Variants in ARID4B observed in about 807,000 individuals in gnomAD.
ARID4B encodes the protein AT-rich interaction domain 4B.
ARID4B carries 26 observed loss-of-function variants against 147.5 expected under a neutral mutation model. The ratio of observed to expected loss-of-function variants is 0.18; its 90% CI spans 0.13 to 0.24. ARID4B has a LOEUF of 0.24. ARID4B is among the 10% of genes least tolerant of loss of function. The pLI is 1.00. For synonymous variants in ARID4B, 512 were observed against 507.9 expected (o/e 1.01, Z -0.11); for missense variants, 1,179 against 1,511.5 (o/e 0.78, Z 3.65).
chr1:235,201,139 T>A (rs569355174), intron 17 of ARID4B, among the ~76,000 whole-genome samples: 2 of 152,050 alleles, frequency 1.3e-5, no homozygotes, highest in East Asian at 3.9e-4. Flanking sequence ...AGCGAGACTC[T>A]GTCTCCAAAA....
intron 2 of ARID4B, among the ~76,000 whole-genome samples, chr1:235,318,528 C>T (rs553171773): frequency 6.6e-6 from 1 of 152,168 alleles, no homozygotes; most frequent in South Asian, 2.1e-4. Context: ...ACAAAAAGGC[C>T]ACATATGTAT....
At chr1:235,224,822 T>C in intron 11 of ARID4B, 47 bp from the exon 12 acceptor site, 2 of 1,315,698 alleles carry the variant, frequency 1.5e-6, no homozygotes, top group Non-Finnish European at 2.1e-6. Flanking sequence ...TTAAGCATTT[T>C]AATAAAACAA....
chr1:235,201,245 T>C (rs1235822767), intron 17 of ARID4B, among the ~76,000 whole-genome samples: 3 of 152,176 alleles, frequency 2.0e-5, no homozygotes, highest in African/African-American at 7.2e-5. Context: ...CCATAAAATA[T>C]TTCTCAATTT....
At chr1:235,230,411 A>AAAAACAAAAC (rs67278012) in intron 10 of ARID4B, among the ~76,000 whole-genome samples, 7 of 146,330 alleles carry the variant, frequency 4.8e-5, no homozygotes, top group African/African-American at 1.8e-4. Context: ...TCCATCTCAA[A>AAAAACAAAAC]AAAACAAAAC....
chr1:235,192,746 C>A (rs1571937891), intron 19 of ARID4B, among the ~76,000 whole-genome samples: 1 of 152,328 alleles, frequency 6.6e-6, no homozygotes, highest in South Asian at 2.1e-4. Context: ...CTGCTCCAAT[C>A]CTCATTGCTT....
chr1:235,178,553 A>C (rs1429221223), intron 20 of ARID4B, among the ~76,000 whole-genome samples: 1 of 152,134 alleles, frequency 6.6e-6, no homozygotes, highest in Non-Finnish European at 1.5e-5. Flanking sequence ...CCTTTTCTTC[A>C]AGGACTAGCC....
chr1:235,177,311 G>A (rs1208218873), intron 21 of ARID4B, among the ~76,000 whole-genome samples: 1 of 152,150 alleles, frequency 6.6e-6, no homozygotes, highest in Non-Finnish European at 1.5e-5. Flanking sequence ...ATATGTTGAT[G>A]TTTATAATAT....
chr1:235,193,784 G>A (rs1197509537), intron 19 of ARID4B, among the ~76,000 whole-genome samples: 3 of 152,054 alleles, frequency 2.0e-5, no homozygotes, highest in Admixed American at 6.6e-5. Flanking sequence ...TAGAATTTTC[G>A]GATTTGGCTT....
At chr1:235,260,616 A>G (rs1670234133) in intron 3 of ARID4B, 26 bp downstream of exon 3, 10 of 1,503,478 alleles carry the variant, frequency 6.7e-6, no homozygotes, top group Non-Finnish European at 8.1e-6. Context: ...TGAACATACA[A>G]TTTATGAAAT....
intron 8 of ARID4B, among the ~76,000 whole-genome samples, chr1:235,236,833 A>AAAAAATATATATAT (rs1175189621): frequency 9.0e-5 from 3 of 33,518 alleles, no homozygotes; most frequent in East Asian, 1.5e-3. Context: ...TTTTATAAAA[A>AAAAAATATATATAT]ATATATATAT....
At chr1:235,214,271 CAA>C (rs1270052888) in intron 16 of ARID4B, among the ~76,000 whole-genome samples, 9 of 152,000 alleles carry the variant, frequency 5.9e-5, no homozygotes, top group African/African-American at 2.2e-4. Flanking sequence ...AGAAAATTTC[CAA>C]AAGTCAGAAG....
rs77833119 is a variant in ARID4B at position 235,265,882 on chromosome 1, C to T, written c.7-5130G>A. Among the ~76,000 whole-genome samples the T allele has an allele frequency of 4.4e-3, 668 of 151,972 alleles. 5 individuals are homozygous for T. Among genetic ancestry groups the T allele is most frequent in the African/African-American group, 0.015 (640 of 41,430 alleles). On this transcript the variant is annotated intron_variant, in intron 2 of 23. Coordinates refer to ENST00000264183, the MANE Select transcript of ARID4B (RefSeq NM_016374.6). ...CACACAAAATGCTTAGAAGAGGGCCCAGCACACATTGCCAAATAAAGGCTA... is the reference window on the plus strand; with the variant it reads ...CACACAAAATGCTTAGAAGAGGGCCTAGCACACATTGCCAAATAAAGGCTA...
At chr1:235,194,843 C>T (rs1273004112) in intron 18 of ARID4B, among the ~76,000 whole-genome samples, 1 of 151,898 alleles carries the variant, frequency 6.6e-6, no homozygotes, top group Non-Finnish European at 1.5e-5. Context: ...AAAAAAGAAA[C>T]GATTGCAACG....
intron 2 of ARID4B, among the ~76,000 whole-genome samples, chr1:235,279,999 TC>T (rs1257796268): frequency 6.6e-6 from 1 of 152,212 alleles, no homozygotes; most frequent in African/African-American, 2.4e-5. Flanking sequence ...ATGCTTCCTA[TC>T]CTCTTGTAAT....
chr1:235,173,765 AAAAAAAATATATATATAT>A (rs1424529594), intron 22 of ARID4B, among the ~76,000 whole-genome samples: 99 of 49,990 alleles, frequency 2.0e-3, no homozygotes, highest in African/African-American at 0.011. Flanking sequence ...AAAAAAAAAA[AAAAAAAATATATATATAT>A]ATATATATAT....
intron 3 of ARID4B, among the ~76,000 whole-genome samples, chr1:235,259,433 A>G (rs1178318469): frequency 6.6e-6 from 1 of 152,270 alleles, no homozygotes; most frequent in Non-Finnish European, 1.5e-5. Flanking sequence ...GCTTTCCACC[A>G]GGAGAGAGGG....
intron 2 of ARID4B, among the ~76,000 whole-genome samples, chr1:235,309,735 G>A (rs1267855081): frequency 3.9e-5 from 6 of 152,140 alleles, no homozygotes; most frequent in Non-Finnish European, 8.8e-5. Context: ...ATAGAAAGGG[G>A]GGAAAGGTGG....
intron 6 of ARID4B, among the ~76,000 whole-genome samples, chr1:235,250,887 T>G (rs1669599367): frequency 1.3e-5 from 2 of 152,120 alleles, no homozygotes; most frequent in Non-Finnish European, 2.9e-5. Flanking sequence ...TTAAAAAAAA[T>G]AATATTTTGG....
At chr1:235,190,340 C>T (rs992584724) in intron 19 of ARID4B, among the ~76,000 whole-genome samples, 13 of 151,848 alleles carry the variant, frequency 8.6e-5, no homozygotes, top group Admixed American at 7.9e-4. Context: ...CCCACCTACT[C>T]GGGAGGCTGA....
Sources: gnomAD v4.1 joint callset for allele counts (sites outside exome capture counted in the v4.1 genomes callset) on GRCh38, gnomAD v4.1.1 for gene constraint, MANE v1.5 for transcripts, NCBI Gene and HGNC (gene_info 2026-07-23, HGNC 2026-07-21) for gene names.